POLK: variants seen among roughly 807,000 people sequenced by gnomAD.
POLK encodes DNA polymerase kappa, also known as polymerase (DNA directed) kappa.
Under a neutral mutation model 94.0 loss-of-function variants are expected in POLK, and 76 were observed. That is an observed-to-expected ratio of 0.81 (90% CI 0.67 to 0.98). The LOEUF (loss-of-function observed/expected upper bound fraction) is 0.98. POLK is among the 50% of genes least tolerant of loss of function. The pLI, the probability that POLK is intolerant of heterozygous loss-of-function variation, is 0.00. For missense variants in POLK, 954 were observed against 1,010.1 expected (o/e 0.94, Z 0.75); for synonymous variants, 349 against 325.4 (o/e 1.07, Z -0.78).
intron 1 of POLK, among the ~76,000 whole-genome samples, chr5:75,534,538 A>G (rs1027134953): frequency 2.6e-5 from 4 of 152,140 alleles, no homozygotes; most frequent in African/African-American, 7.2e-5. Flanking sequence ...TGTTGCCTCA[A>G]TGATATGTCT....
At chr5:75,551,240 C>T (rs1770317702) in intron 2 of POLK, among the ~76,000 whole-genome samples, 1 of 151,888 alleles carries the variant, frequency 6.6e-6, no homozygotes, top group South Asian at 2.1e-4. Context: ...AATTGGTCCT[C>T]ATCAAAATTT....
At chr5:75,555,436 T>C (rs751884487) in intron 3 of POLK, among the ~76,000 whole-genome samples, 6 of 152,220 alleles carry the variant, frequency 3.9e-5, no homozygotes, top group East Asian at 1.9e-4. Flanking sequence ...TTTTTACTTA[T>C]GCAGTGTAAT....
At chr5:75,578,695 G>A (rs1306219417) in intron 6 of POLK, among the ~76,000 whole-genome samples, 2 of 152,154 alleles carry the variant, frequency 1.3e-5, no homozygotes, top group African/African-American at 4.8e-5. Context: ...CATTGGAACT[G>A]TGGAAGGCAA....
chr5:75,575,781 C>T (rs760883248), intron 5 of POLK, among the ~76,000 whole-genome samples: 7 of 152,110 alleles, frequency 4.6e-5, no homozygotes, highest in Non-Finnish European at 8.8e-5. Context: ...TTCCCTTTGA[C>T]TCAGCTGTTC....
At chr5:75,602,958 G>T (rs961249268), downstream of POLK, among the ~76,000 whole-genome samples, 3 of 152,212 alleles carry the variant, frequency 2.0e-5, no homozygotes, top group South Asian at 2.1e-4. Flanking sequence ...CCCCACTGAA[G>T]AAGTGGCCTT....
chr5:75,548,609 AC>A (rs991774521), intron 2 of POLK, among the ~76,000 whole-genome samples: 4 of 151,578 alleles, frequency 2.6e-5, no homozygotes, highest in Non-Finnish European at 5.9e-5. Context: ...GTATTAATAT[AC>A]ATGTAGAAAG....
rs1016554150 is a variant in POLK, at chr5:75,593,138, C to CT, written c.1357-731dup. ...TGGCTAAAATGGTATTTTAATTATT[C>CT]TTTTTTTTTCTGAGACAGAGTCTTG... On this transcript the variant is annotated intron_variant, in intron 11 of 14. Coordinates refer to ENST00000241436, the Ensembl canonical transcript of POLK. 4.6e-5 allele frequency among the ~76,000 whole-genome samples: 7 copies of CT among 151,384 alleles called. No homozygotes were observed. In the South Asian group the frequency reaches 6.3e-4, roughly 14 times the overall value.
At chr5:75,535,686 ATTTC>A (rs1254892138) in intron 1 of POLK, among the ~76,000 whole-genome samples, 4 of 151,904 alleles carry the variant, frequency 2.6e-5, no homozygotes, top group Admixed American at 6.6e-5. Flanking sequence ...TGACTGGGTT[ATTTC>A]AGAGAGCTAC....
chr5:75,608,138 T>C, the POLK span, among the ~76,000 whole-genome samples: 35 of 152,166 alleles, frequency 2.3e-4, no homozygotes, highest in Admixed American at 4.6e-4. Flanking sequence ...ATTTGACAAA[T>C]ACTTATTGCA....
At chr5:75,604,419 C>A (rs1773371036), downstream of POLK, among the ~76,000 whole-genome samples, 1 of 152,158 alleles carries the variant, frequency 6.6e-6, no homozygotes, top group South Asian at 2.1e-4. Context: ...CACCGTCACC[C>A]AGGCTGAAAT....
the POLK span, chr5:75,609,378 C>T: frequency 6.6e-6 from 1 of 152,160 alleles, no homozygotes; most frequent in Non-Finnish European, 1.5e-5. Context: ...ATCCTCCCAC[C>T]TCAGCCTCCC....
chr5:75,553,688 C>T (rs1383912056), intron 3 of POLK, among the ~76,000 whole-genome samples: 1 of 152,100 alleles, frequency 6.6e-6, no homozygotes, highest in East Asian at 1.9e-4. Flanking sequence ...TACTCTAGTG[C>T]TGTTATTTTG....
Position 75,519,186 on chromosome 5 carries a change from T to C in POLK, c.-14+7272T>C, listed in dbSNP as rs1768457468. 2.6e-5 allele frequency among the ~76,000 whole-genome samples: 4 copies of C among 152,246 alleles called. No homozygotes were observed. In the South Asian group the frequency reaches 8.3e-4, roughly 31 times the overall value. On this transcript the variant is annotated intron_variant, in intron 1 of 14. Coordinates refer to ENST00000241436, the Ensembl canonical transcript of POLK. ...TAAATCAAACAATTAATTAATTTTT[T>C]GTATTGTTTCCCAGGTTCCTCTTGT...
At chr5:75,526,373 CTT>C (rs1244934030) in intron 1 of POLK, among the ~76,000 whole-genome samples, 1 of 151,958 alleles carries the variant, frequency 6.6e-6, no homozygotes, top group African/African-American at 2.4e-5. Context: ...ATTTTTCTCT[CTT>C]AGAAAATAAA....
At chr5:75,605,257 T>C (rs1472490404), downstream of POLK, among the ~76,000 whole-genome samples, 2 of 152,122 alleles carry the variant, frequency 1.3e-5, no homozygotes, top group Non-Finnish European at 2.9e-5. Flanking sequence ...TTCTTATCAG[T>C]TGTCTAATAT....
At chr5:75,557,328 A>C (rs1258709005) in intron 3 of POLK, among the ~76,000 whole-genome samples, 1 of 152,158 alleles carries the variant, frequency 6.6e-6, no homozygotes, top group African/African-American at 2.4e-5. Flanking sequence ...TTGCCTCTCC[A>C]TATAAATTTT....
At chr5:75,563,667 T>C (rs1375505086) in intron 3 of POLK, among the ~76,000 whole-genome samples, 1 of 152,220 alleles carries the variant, frequency 6.6e-6, no homozygotes, top group Non-Finnish European at 1.5e-5. Flanking sequence ...CCAGGAGTCA[T>C]TCATGAGCAG....
At chr5:75,571,320 G>T (rs891039644) in intron 4 of POLK, among the ~76,000 whole-genome samples, 1 of 152,040 alleles carries the variant, frequency 6.6e-6, no homozygotes, top group Non-Finnish European at 1.5e-5. Flanking sequence ...CTTTTTTGGC[G>T]AATTTGATGG....
At chr5:75,561,421 G>C (rs115972208) in intron 3 of POLK, among the ~76,000 whole-genome samples, 5,087 of 152,176 alleles carry the variant, frequency 0.033, 116 homozygotes, top group Non-Finnish European at 0.052. Flanking sequence ...TTGTCAGATG[G>C]ATAGATAGCA....
Sources: allele counts gnomAD v4.1 joint callset (sites outside exome capture counted in the v4.1 genomes callset), GRCh38; gene constraint gnomAD v4.1.1; transcripts MANE v1.5; gene names NCBI Gene and HGNC (gene_info 2026-07-23, HGNC 2026-07-21).